Variants in TMEM9 observed in about 807,000 individuals in gnomAD.
TMEM9 encodes proton-transporting V-type ATPase complex assembly regulator TMEM9.
A neutral mutation model predicts 22.8 loss-of-function variants in TMEM9; 13 were observed. That is an observed-to-expected ratio of 0.57 (90% CI 0.37 to 0.91). TMEM9 has a LOEUF of 0.91. Among genes scored for constraint, TMEM9 ranks in the 40% least tolerant of loss-of-function variants. The pLI, the probability that TMEM9 is intolerant of heterozygous loss-of-function variation, is 0.01. For synonymous variants in TMEM9, 88 were observed against 93.0 expected (o/e 0.95, Z 0.31); for missense variants, 182 against 238.1 (o/e 0.76, Z 1.55).
chr1:201,144,106 A>G, intron 3 of TMEM9, 155 bp from the exon 4 acceptor site: 1 of 742,824 alleles, frequency 1.3e-6, no homozygotes, highest in Non-Finnish European at 2.2e-6. Context: ...GAGGGAAAGC[A>G]TGCCCAGAAA....
intron 4 of TMEM9, among the ~76,000 whole-genome samples, chr1:201,140,371 C>G (rs1664414783): frequency 6.6e-6 from 1 of 152,222 alleles, no homozygotes; most frequent in Non-Finnish European, 1.5e-5. Context: ...TCTGCCCCAG[C>G]AAACATGCTT....
At chr1:201,158,525 A>G (rs1410666366), upstream of TMEM9, among the ~76,000 whole-genome samples, 2 of 150,198 alleles carry the variant, frequency 1.3e-5, no homozygotes, top group Non-Finnish European at 3.0e-5. Flanking sequence ...AAGAGTCAAC[A>G]GTTCAGTTTG....
Position 201,135,683 on chromosome 1 carries a change from G to A in TMEM9, c.532C>T (p.Arg178Trp), listed in dbSNP as rs777394828. The change falls in exon 5 of 5, where the codon CGG becomes TGG. Residue 178 changes from arginine to tryptophan, a missense_variant. By Grantham distance (101) the Arg-to-Trp change is moderately radical. Coordinates refer to ENST00000367330, the MANE Select transcript of TMEM9 (RefSeq NM_001288565.2). The part of the protein sequence containing the change: ...VQEQRKTVFD[R>W]HKMLS ...CCCATCTAGCTGAGCATCTTGTGCC[G>A]ATCGAAGACTGTCTTCCGCTGCTCC... The A allele has an allele frequency of 2.4e-5, 39 of 1,612,698 alleles. No individual in the cohort carries two copies. The highest frequency in any genetic ancestry group is 1.8e-4 in the Admixed American group (11 of 59,834).
chr1:201,159,256 T>G (rs1270491533), upstream of TMEM9, among the ~76,000 whole-genome samples: 1 of 152,318 alleles, frequency 6.6e-6, no homozygotes, highest in East Asian at 1.9e-4. Flanking sequence ...TAGCCACAGA[T>G]GGCAGGTCAG....
upstream of TMEM9, among the ~76,000 whole-genome samples, chr1:201,155,770 T>G (rs143085308): frequency 6.6e-6 from 1 of 152,320 alleles, no homozygotes; most frequent in East Asian, 1.9e-4. Context: ...TGGAATCCTT[T>G]CAGAAGTCTC....
At chr1:201,138,562 G>C (rs1664217825) in intron 4 of TMEM9, among the ~76,000 whole-genome samples, 1 of 152,188 alleles carries the variant, frequency 6.6e-6, no homozygotes, top group African/African-American at 2.4e-5. Context: ...GTTAGGAGGG[G>C]AGGCGGGTGG....
At chr1:201,146,470 G>T in intron 3 of TMEM9, 1 of 548,118 alleles carries the variant, frequency 1.8e-6, no homozygotes, top group Non-Finnish European at 3.3e-6. Context: ...AAACTGTAAA[G>T]AATGCAGGGA....
At chr1:201,141,125 G>A (rs139606270) in intron 4 of TMEM9, among the ~76,000 whole-genome samples, 9 of 152,218 alleles carry the variant, frequency 5.9e-5, no homozygotes, top group East Asian at 1.9e-4. Flanking sequence ...CTAACACAAC[G>A]AGAAGGGTAA....
At chr1:201,162,162 T>C (rs1665959479) in intron 1 of TMEM9, among the ~76,000 whole-genome samples, 1 of 150,480 alleles carries the variant, frequency 6.6e-6, no homozygotes, top group Non-Finnish European at 1.5e-5. Flanking sequence ...TAAACAAATA[T>C]GCCCAATTGA....
At chr1:201,140,356 C>A (rs1354297277) in intron 4 of TMEM9, among the ~76,000 whole-genome samples, 2 of 152,204 alleles carry the variant, frequency 1.3e-5, no homozygotes, top group Non-Finnish European at 2.9e-5. Context: ...GCTCTGTTTG[C>A]CGTTTCTGCC....
intron 1 of TMEM9, among the ~76,000 whole-genome samples, chr1:201,164,425 T>C (rs1178088497): frequency 6.6e-6 from 1 of 152,220 alleles, no homozygotes. Flanking sequence ...AAAGTTAATT[T>C]TTTAAAAGCC....
intron 1 of TMEM9, among the ~76,000 whole-genome samples, chr1:201,160,314 G>A (rs1271794281): frequency 6.6e-6 from 1 of 152,232 alleles, no homozygotes; most frequent in Admixed American, 6.5e-5. Flanking sequence ...GTTAGGCCAG[G>A]CATGTTGGCT....
At position 201,164,556 on chromosome 1, in the gene TMEM9, T is replaced by C. The variant is rs567829282; in HGVS notation, c.-37+6934A>G. ...TTGACTTACAAAAATGGTGGTTTCA[T>C]ATGGTTCAACCTAATAAAAATAATA... On this transcript the variant is annotated intron_variant, in intron 1 of 5. Transcript: ENST00000367333. 4.6e-5 allele frequency among the ~76,000 whole-genome samples: 7 copies of C among 152,324 alleles called. No individual in the cohort carries two copies. In the East Asian group the frequency reaches 1.3e-3, roughly 29 times the overall value.
In TMEM9 at chr1:201,153,943, C is replaced by T. The variant is rs1360924783; in HGVS notation, c.-20G>A. The T allele has an allele frequency of 5.0e-6, 8 of 1,594,646 alleles. No homozygotes were observed. Among genetic ancestry groups the T allele is most frequent in the Non-Finnish European group, 6.8e-6 (8 of 1,170,040 alleles). On this transcript the variant is annotated 5_prime_UTR_variant, in exon 1 of 5. Coordinates refer to ENST00000367330, the MANE Select transcript of TMEM9 (RefSeq NM_001288565.2). ...CTTCATGCTTATCAGGCTTGCTGGG[C>T]CAGCAAAGCCGGACACCTGGAAAAA... is the stretch of plus-strand genomic sequence containing the variant.
At chr1:201,159,877 C>G (rs1298164245) in intron 1 of TMEM9, among the ~76,000 whole-genome samples, 1 of 152,216 alleles carries the variant, frequency 6.6e-6, no homozygotes, top group Non-Finnish European at 1.5e-5. Context: ...CAGTTTATGT[C>G]AGGCATTCTA....
intron 1 of TMEM9, chr1:201,153,644 T>G: frequency 9.5e-7 from 1 of 1,056,542 alleles, no homozygotes; most frequent in Non-Finnish European, 1.4e-6. Context: ...AGTGAGCCAG[T>G]GCTCTGTGCC....
upstream of TMEM9, among the ~76,000 whole-genome samples, chr1:201,157,627 T>G (rs964844283): frequency 1.3e-5 from 2 of 152,270 alleles, no homozygotes; most frequent in Non-Finnish European, 2.9e-5. Flanking sequence ...TTTTGAGCAC[T>G]GTGCTAGGTG....
intron 4 of TMEM9, 134 bp downstream of exon 4, chr1:201,143,686 T>C: frequency 1.2e-6 from 1 of 818,450 alleles, no homozygotes. Flanking sequence ...GGGTGATGTG[T>C]ACGACACTGA....
intron 1 of TMEM9, among the ~76,000 whole-genome samples, chr1:201,167,556 T>G (rs1031847100): frequency 1.3e-5 from 2 of 152,098 alleles, no homozygotes; most frequent in African/African-American, 4.8e-5. Context: ...ATCTTGTGAC[T>G]TCCAGAATAA....
Sources: allele counts gnomAD v4.1 joint callset (sites outside exome capture counted in the v4.1 genomes callset), GRCh38; gene constraint gnomAD v4.1.1; transcripts MANE v1.5; gene names NCBI Gene and HGNC (gene_info 2026-07-23, HGNC 2026-07-21).